The following DOT1L variants were observed in gnomAD, a reference collection of about 807,000 sequenced individuals.
DOT1L encodes DOT1 like histone lysine methyltransferase, also known as histone-lysine N-methyltransferase, H3 lysine-79 specific.
DOT1L carries 33 observed loss-of-function variants against 153.3 expected under a neutral mutation model. The ratio of observed to expected loss-of-function variants is 0.22; its 90% CI spans 0.16 to 0.29. The LOEUF (loss-of-function observed/expected upper bound fraction) is 0.29, where lower values mean the gene tolerates loss of function less well. Ranked by LOEUF, DOT1L falls within the 10% of genes least tolerant of loss-of-function variation. The pLI is 1.00. For missense variants in DOT1L, 1,847 were observed against 2,119.9 expected, an observed-to-expected ratio of 0.87 and a Z score of 2.53; for synonymous variants, 1,135 against 965.1, an observed-to-expected ratio of 1.18 and a Z score of -3.26.
chr19:2,223,429 A>G lies in DOT1L; in HGVS notation c.3539A>G (p.Tyr1180Cys). 2 of 1,612,234 alleles carry G rather than the reference A, an allele frequency of 1.2e-6. No homozygotes were observed. Among genetic ancestry groups the G allele is most frequent in the Non-Finnish European group, 1.7e-6 (2 of 1,179,700 alleles). ...CTGAGCCAGACCAATGGGGCACACT[A>G]CTCCCCACTCACCTCAGACGAGGAG... ...RPLSQTNGAH[Y>C]SPLTSDEEPG... The change falls in exon 25 of 28, where the codon TAC becomes TGC. Residue 1180 changes from tyrosine to cysteine, a missense_variant. Physicochemically the swap from Tyr to Cys is radical, Grantham distance 194 (BLOSUM62 -2). Coordinates refer to ENST00000398665, the MANE Select transcript of DOT1L (RefSeq NM_032482.3).
In DOT1L at chr19:2,217,667, G is replaced by T; in HGVS notation, c.2545-105G>T. 1 of 1,476,782 alleles carries T rather than the reference G, an allele frequency of 6.8e-7. No individual in the cohort carries two copies. The allele number at this position is 1,476,782 out of a possible 1,614,324, so 91.5% of individuals were successfully genotyped here. A position where few individuals can be genotyped will look rare whatever the true frequency, so the allele number is the denominator to read the frequency against. ...GGTTGCAGGGCCTTGGCAGCGTGGG[G>T]GCCGCCTTGAGAGAGCTGTAGCAGG... On this transcript the variant is annotated intron_variant, in intron 21 of 27. Coordinates refer to ENST00000398665, the MANE Select transcript of DOT1L (RefSeq NM_032482.3). This position sits in a 1 kb window ranked among gnomAD's most constrained non-coding sequence, Gnocchi z 7.3.
Position 2,186,273 on chromosome 19 carries a change from C to G in DOT1L, c.200+344C>G, listed in dbSNP as rs2022503826. ...GAGGCTGCTGGGAGGGCCTGGGCGG[C>G]CTTAGGCTGCTTGGCAGCTCTGTTT... is the stretch of plus-strand genomic sequence containing the variant. On this transcript the variant is annotated intron_variant, in intron 3 of 27. Coordinates refer to ENST00000398665, the MANE Select transcript of DOT1L (RefSeq NM_032482.3). 2.0e-5 allele frequency among the ~76,000 whole-genome samples: 3 copies of G among 152,174 alleles called. No individual in the cohort carries two copies. In the South Asian group the frequency reaches 6.2e-4, roughly 32 times the overall value.
At chr19:2,194,175 T>A (rs897781549) in intron 6 of DOT1L, among the ~76,000 whole-genome samples, 4 of 151,876 alleles carry the variant, frequency 2.6e-5, no homozygotes, top group African/African-American at 9.7e-5. Context: ...TTTTTTTTGT[T>A]TTGTTTTGTT....
Position 2,164,060 on chromosome 19 carries a change from CG to C in DOT1L, c.-124del. The stretch of plus-strand genomic sequence containing the variant: ...CGGCGGCGGCGGCGGCGGCCGAGGC[CG>C]AGGCCAGGCCCCCTCCCCTCAGCCT... On this transcript the variant is annotated 5_prime_UTR_variant, in exon 1 of 28. Coordinates refer to ENST00000398665, the MANE Select transcript of DOT1L (RefSeq NM_032482.3). 1 of 558,802 alleles carries C rather than the reference CG, an allele frequency of 1.8e-6. No homozygotes were observed. Among genetic ancestry groups the C allele is most frequent in the Non-Finnish European group, 2.4e-6 (1 of 424,092 alleles). 34.6% of individuals were successfully genotyped at this position (558,802 alleles called of 1,614,324 possible). A position where few individuals can be genotyped will look rare whatever the true frequency, so the allele number is the denominator to read the frequency against.
intron 1 of DOT1L, among the ~76,000 whole-genome samples, chr19:2,174,787 TAA>T (rs79261543): frequency 3.1e-4 from 41 of 132,874 alleles, no homozygotes; most frequent in Admixed American, 6.1e-4. Context: ...CCCAGCTAGT[TAA>T]AAAAAAAAAA....
intron 18 of DOT1L, chr19:2,214,226 G>A (rs1274757711): frequency 9.2e-6 from 8 of 865,742 alleles, no homozygotes; most frequent in African/African-American, 5.1e-5. Context: ...TGGCAGGCTC[G>A]AGGTGTGGGG....
intron 27 of DOT1L, chr19:2,228,851 G>A (rs2024481072): frequency 1.0e-6 from 1 of 985,434 alleles, no homozygotes; most frequent in Non-Finnish European, 1.2e-6. Flanking sequence ...GAGCCAGGGT[G>A]GCTGGCTGGA....
chr19:2,212,219 G>C (rs1463013103), intron 16 of DOT1L: 1 of 175,332 alleles, frequency 5.7e-6, no homozygotes, highest in Non-Finnish European at 1.2e-5. Flanking sequence ...CTGGAGTGCA[G>C]TGGTGTGATC....
At chr19:2,216,176 C>T in intron 19 of DOT1L, 105 bp from the exon 20 acceptor site, 1 of 1,457,520 alleles carries the variant, frequency 6.9e-7, no homozygotes, top group Non-Finnish European at 9.1e-7. Flanking sequence ...CCCACACAAG[C>T]AGCGGGGGTC....
At chr19:2,165,305 G>T (rs1409034972) in intron 1 of DOT1L, among the ~76,000 whole-genome samples, 1 of 152,056 alleles carries the variant, frequency 6.6e-6, no homozygotes, top group Non-Finnish European at 1.5e-5. Flanking sequence ...GCTTGTGTCA[G>T]TTTTTGGAAA....
Position 2,194,512 on chromosome 19 carries a change from C to T in DOT1L, c.589-3C>T. ...AACGGGCGTTTGGTTTCTTTCCTTCCAGACCATGGACCGCGAGTTCAGGAA... is the reference window on the plus strand; with the variant it reads ...AACGGGCGTTTGGTTTCTTTCCTTCTAGACCATGGACCGCGAGTTCAGGAA... On this transcript the variant is annotated splice_polypyrimidine_tract_variant and splice_region_variant and intron_variant, in intron 6 of 27. Transcript: ENST00000398665. 1 of 1,614,004 alleles carries T rather than the reference C, an allele frequency of 6.2e-7. No homozygotes were observed. The highest frequency in any genetic ancestry group is 8.5e-7 in the Non-Finnish European group (1 of 1,180,012).
intron 3 of DOT1L, among the ~76,000 whole-genome samples, chr19:2,187,305 C>A (rs190232313): frequency 6.6e-6 from 1 of 152,398 alleles, no homozygotes; most frequent in Admixed American, 6.5e-5. Flanking sequence ...TGGCCAGCTT[C>A]TGCCTTGGCT....
intron 27 of DOT1L, chr19:2,227,994 C>G (rs767049274): frequency 1.8e-5 from 23 of 1,287,364 alleles, no homozygotes; most frequent in Non-Finnish European, 2.1e-5. Flanking sequence ...CCACGCCCCC[C>G]CTCCACCTAA....
rs1359407823 is a variant in DOT1L, at chr19:2,210,695, G to A, written c.1191G>A (p.Lys397=). 1.2e-6 allele frequency: 2 copies of A among 1,613,228 alleles called. No individual in the cohort carries two copies. Among genetic ancestry groups the A allele is most frequent in the East Asian group, 4.5e-5 (2 of 44,858 alleles). ...KKPSPSKARK[K]KLNKKGRKMA... ...CGTCTCCCTCCAAAGCCCGCAAGAA[G>A]AAGCTAAACAAGAAGGGGAGGAAGA... Residue 397 remains lysine (K), a synonymous_variant, in exon 14 of 28, where the codon AAG becomes AAA. Transcript: ENST00000398665.
intron 16 of DOT1L, 54 bp from the exon 17 acceptor site, chr19:2,213,485 G>GGGCCCTCAGTCACCTGCCCT: frequency 6.3e-7 from 1 of 1,578,506 alleles, no homozygotes; most frequent in Non-Finnish European, 8.7e-7. Context: ...CCCTCCCTGT[G>GGGCCCTCAGTCACCTGCCCT]GGCCCTCAGT....
intron 1 of DOT1L, among the ~76,000 whole-genome samples, chr19:2,167,655 T>C (rs1039482915): frequency 5.9e-5 from 9 of 152,162 alleles, no homozygotes; most frequent in African/African-American, 2.2e-4. Flanking sequence ...GCCGTGACAT[T>C]TGTCATTTTC....
intron 1 of DOT1L, among the ~76,000 whole-genome samples, chr19:2,177,486 A>G (rs1348859528): frequency 6.6e-6 from 1 of 152,044 alleles, no homozygotes; most frequent in African/African-American, 2.4e-5. Flanking sequence ...TAGTACTACT[A>G]ACAATTTTTA....
chr19:2,214,253 C>G, intron 18 of DOT1L: 2 of 879,140 alleles, frequency 2.3e-6, no homozygotes, highest in Non-Finnish European at 3.4e-6. Flanking sequence ...GAGCATCCCA[C>G]CATCGTGGTG....
rs556155639 is a variant in DOT1L at position 2,217,661 on chromosome 19, C to T, written c.2545-111C>T. ...GGGGAAGGTTGCAGGGCCTTGGCAG[C>T]GTGGGGGCCGCCTTGAGAGAGCTGT... On this transcript the variant is annotated intron_variant, in intron 21 of 27. Coordinates refer to ENST00000398665, the MANE Select transcript of DOT1L (RefSeq NM_032482.3). This position sits in a 1 kb window ranked among gnomAD's most constrained non-coding sequence, Gnocchi z 7.3. The T allele has an allele frequency of 4.3e-5, 63 of 1,452,478 alleles. 1 individual carries two copies. The highest frequency in any genetic ancestry group is 3.0e-4 in the South Asian group (22 of 74,478). The allele number at this position is 1,452,478 out of a possible 1,614,324, so 90.0% of individuals were successfully genotyped here.
Sources: gnomAD v4.1 joint callset for allele counts (sites outside exome capture counted in the v4.1 genomes callset) on GRCh38, gnomAD v4.1.1 for gene constraint, Gnocchi (gnomAD v3.1) non-coding constraint, MANE v1.5 for transcripts, NCBI Gene and HGNC (gene_info 2026-07-23, HGNC 2026-07-21) for gene names.